The following EHF variants were observed in gnomAD, a reference collection of about 807,000 sequenced individuals.
The protein encoded by EHF is ETS homologous factor.
EHF carries 14 observed loss-of-function variants against 45.1 expected under a neutral mutation model. The ratio of observed to expected loss-of-function variants is 0.31; its 90% CI spans 0.21 to 0.49. The LOEUF (loss-of-function observed/expected upper bound fraction) is 0.49. EHF is among the 20% of genes least tolerant of loss of function. The pLI is 0.99. For missense variants in EHF, 282 were observed against 371.4 expected, an observed-to-expected ratio of 0.76 and a Z score of 1.98; for synonymous variants, 136 against 131.8, an observed-to-expected ratio of 1.03 and a Z score of -0.22.
chr11:34,627,449 G>A (rs753837513), intron 1 of EHF, among the ~76,000 whole-genome samples: 9 of 152,016 alleles, frequency 5.9e-5, no homozygotes, highest in Non-Finnish European at 7.4e-5. Context: ...TGAGTATACC[G>A]TTGCCCACCC....
chr11:34,647,083 A>ACCC lies in EHF; in HGVS notation c.343+399_343+400insCCC, dbSNP rs1335937029. Among the ~76,000 whole-genome samples, 32 of 138,894 alleles carry ACCC rather than the reference A, an allele frequency of 2.3e-4. 1 individual carries two copies. Among genetic ancestry groups the ACCC allele is most frequent in the African/African-American group, 8.5e-4 (30 of 35,226 alleles). The allele number at this position is 138,894 out of a possible 152,430, so 91.1% of individuals were successfully genotyped here. A position where few individuals can be genotyped will look rare whatever the true frequency, so the allele number is the denominator to read the frequency against. Reference sequence around the variant, plus strand: ...AAAAACAAAAAACAAAACAAAACAAAACCCCCCCCACACACACACACAAAG... The same window carrying ACCC: ...AAAAACAAAAAACAAAACAAAACAAACCCACCCCCCCCACACACACACACAAAG... On this transcript the variant is annotated intron_variant, in intron 3 of 8. Coordinates refer to ENST00000257831, the MANE Select transcript of EHF (RefSeq NM_012153.6).
chr11:34,659,586 A>G lies in EHF; in HGVS notation c.*655A>G, dbSNP rs1855959517. On this transcript the variant is annotated 3_prime_UTR_variant, in exon 9 of 9. Coordinates refer to ENST00000257831, the MANE Select transcript of EHF (RefSeq NM_012153.6). Reference sequence around the variant, plus strand: ...GTGGGGTCTTTATACTCATTCAGGAATGGTTTATCTGATGCCAGGGCTGTC... The same window carrying G: ...GTGGGGTCTTTATACTCATTCAGGAGTGGTTTATCTGATGCCAGGGCTGTC... The G allele has an allele frequency of 6.6e-6, 1 of 152,192 alleles. No homozygotes were observed. The highest frequency in any genetic ancestry group is 2.4e-5 in the African/African-American group (1 of 41,436). The allele number at this position is 152,192 out of a possible 1,614,324, so 9.4% of individuals were successfully genotyped here.
chr11:34,641,264 T>C (rs1410743989), intron 1 of EHF, among the ~76,000 whole-genome samples: 1 of 152,224 alleles, frequency 6.6e-6, no homozygotes, highest in African/African-American at 2.4e-5. Flanking sequence ...TCATACATGT[T>C]TGTGTGTAGC....
intron 1 of EHF, among the ~76,000 whole-genome samples, chr11:34,633,843 C>T (rs1273741825): frequency 2.0e-5 from 3 of 152,094 alleles, no homozygotes; most frequent in African/African-American, 7.2e-5. Context: ...GTATGTGCTG[C>T]CTAGCCTGGG....
In EHF at chr11:34,658,739, T is replaced by A. The variant is rs1405523175; in HGVS notation, c.803+11T>A. 5.6e-6 allele frequency: 9 copies of A among 1,610,232 alleles called. No homozygotes were observed. The highest frequency in any genetic ancestry group is 1.1e-5 in the South Asian group (1 of 90,420). On this transcript the variant is annotated intron_variant, in intron 8 of 8. Coordinates refer to ENST00000257831, the MANE Select transcript of EHF (RefSeq NM_012153.6). ...CAGCCGAGCTATGAGGTGAGGAGTT[T>A]CATGTCTCTGAAAACAAAAAGGCTG...
Position 34,646,530 on chromosome 11 carries a change from G to C in EHF, c.189G>C (p.Leu63=). The change falls in exon 3 of 9, where the codon CTG becomes CTC. Residue 63 remains leucine, a synonymous_variant. Transcript: ENST00000257831. The stretch of plus-strand genomic sequence containing the variant: ...TGTGGGAGTGGCTCCAGCACCTCCT[G>C]GACACCAACCAGCTGGATGCCAATT... The part of the protein sequence containing the change: ...YQVWEWLQHL[L]DTNQLDANCI... 6.2e-7 allele frequency: 1 copy of C among 1,613,968 alleles called. No homozygotes were observed. Among genetic ancestry groups the C allele is most frequent in the Non-Finnish European group, 8.5e-7 (1 of 1,179,968 alleles).
At chr11:34,629,453 C>T (rs1357005330) in intron 1 of EHF, among the ~76,000 whole-genome samples, 2 of 152,184 alleles carry the variant, frequency 1.3e-5, no homozygotes, top group Non-Finnish European at 2.9e-5. Context: ...AGCTTTCCTG[C>T]TATTGAATGA....
At chr11:34,634,719 A>G (rs1565027208) in intron 1 of EHF, among the ~76,000 whole-genome samples, 2 of 152,222 alleles carry the variant, frequency 1.3e-5, no homozygotes, top group South Asian at 2.1e-4. Context: ...GATAATTTAC[A>G]TTATATATGC....
intron 1 of EHF, among the ~76,000 whole-genome samples, chr11:34,637,733 C>T (rs1430863602): frequency 6.6e-6 from 1 of 152,142 alleles, no homozygotes; most frequent in East Asian, 1.9e-4. Flanking sequence ...GTGAGTCTTA[C>T]AAACTTCTGC....
chr11:34,639,891 G>A (rs1364300656), intron 1 of EHF, among the ~76,000 whole-genome samples: 1 of 152,230 alleles, frequency 6.6e-6, no homozygotes, highest in Non-Finnish European at 1.5e-5. Context: ...ATCTCTGGGG[G>A]TTGGGAGAAG....
At chr11:34,629,444 G>T (rs1412453512) in intron 1 of EHF, among the ~76,000 whole-genome samples, 1 of 152,196 alleles carries the variant, frequency 6.6e-6, no homozygotes, top group Admixed American at 6.5e-5. Flanking sequence ...AACAAACTCA[G>T]CTTTCCTGCT....
At chr11:34,638,467 G>C (rs1853665897) in intron 1 of EHF, among the ~76,000 whole-genome samples, 1 of 152,182 alleles carries the variant, frequency 6.6e-6, no homozygotes, top group South Asian at 2.1e-4. Flanking sequence ...TCCGGGAGAG[G>C]AAATGGCACC....
intron 1 of EHF, among the ~76,000 whole-genome samples, chr11:34,635,573 T>A (rs1590440984): frequency 1.3e-5 from 2 of 149,706 alleles, no homozygotes; most frequent in East Asian, 4.0e-4. Context: ...TGCCTCAGCC[T>A]CCCAAGTAGC....
intron 3 of EHF, 27 bp downstream of exon 3, chr11:34,646,711 C>T (rs1590501544): frequency 6.2e-7 from 1 of 1,602,846 alleles, no homozygotes; most frequent in East Asian, 2.2e-5. Flanking sequence ...GTGTCTCTCC[C>T]TACCCTGCTA....
In EHF at chr11:34,646,494, C is replaced by A; in HGVS notation, c.153C>A (p.Thr51=). 6.2e-7 allele frequency: 1 copy of A among 1,614,048 alleles called. No individual in the cohort carries two copies. The highest frequency in any genetic ancestry group is 1.1e-5 in the South Asian group (1 of 91,060). Residue 51 remains threonine (T), a synonymous_variant, in exon 3 of 9, where the codon ACC becomes ACA. Coordinates refer to ENST00000257831, the MANE Select transcript of EHF (RefSeq NM_012153.6). ...QWHEIHPQYW[T]KYQVWEWLQH... ...ATGAAATTCATCCTCAGTACTGGAC[C>A]AAGTACCAGGTGTGGGAGTGGCTCC...
rs891567551 is a variant in EHF, at chr11:34,659,946, T to C, written c.*1015T>C. The C allele has an allele frequency of 2.0e-5, 3 of 152,118 alleles. No homozygotes were observed. The highest frequency in any genetic ancestry group is 6.6e-5 in the Admixed American group (1 of 15,254). The allele number at this position is 152,118 out of a possible 1,614,324, so 9.4% of individuals were successfully genotyped here. A position where few individuals can be genotyped will look rare whatever the true frequency, so the allele number is the denominator to read the frequency against. On this transcript the variant is annotated 3_prime_UTR_variant, in exon 9 of 9. Coordinates refer to ENST00000257831, the MANE Select transcript of EHF (RefSeq NM_012153.6). ...CCCAGCTGTGATAACGCAAAATGTC[T>C]CTAGACATCACCAAATGTTCCCTGG...
At chr11:34,641,911 T>A (rs1854037393) in intron 1 of EHF, 1 of 152,242 alleles carries the variant, frequency 6.6e-6, no homozygotes, top group Non-Finnish European at 1.5e-5. Flanking sequence ...TTGACTTAGG[T>A]CAGCTTGGAA....
chr11:34,629,786 A>G (rs1349907971), intron 1 of EHF, among the ~76,000 whole-genome samples: 1 of 152,332 alleles, frequency 6.6e-6, no homozygotes, highest in East Asian at 1.9e-4. Context: ...GCCTGTCATC[A>G]GGACCAATCT....
chr11:34,632,718 C>A, intron 1 of EHF: 1 of 1,514,932 alleles, frequency 6.6e-7, no homozygotes, highest in Non-Finnish European at 8.9e-7. Context: ...ATTCCATTCA[C>A]AACAGGAGGT....
Sources: gnomAD v4.1 joint callset for allele counts (sites outside exome capture counted in the v4.1 genomes callset) on GRCh38, gnomAD v4.1.1 for gene constraint, MANE v1.5 for transcripts, NCBI Gene and HGNC (gene_info 2026-07-23, HGNC 2026-07-21) for gene names.